JAKMIP2: variants seen among roughly 807,000 people sequenced by gnomAD.
JAKMIP2 encodes the protein janus kinase and microtubule interacting protein 2, also known as janus kinase and microtubule-interacting protein 2.
In JAKMIP2, 25 loss-of-function variants were observed where a neutral mutation model predicts 115.0. That is an observed-to-expected ratio of 0.22 (90% CI 0.16 to 0.30). JAKMIP2 has a LOEUF of 0.30. Among genes scored for constraint, JAKMIP2 ranks in the 10% least tolerant of loss-of-function variants. The pLI is 1.00. For synonymous variants in JAKMIP2, 334 were observed against 343.6 expected, an observed-to-expected ratio of 0.97 and a Z score of 0.31; for missense variants, 642 against 957.6, an observed-to-expected ratio of 0.67 and a Z score of 4.35.
intron 1 of JAKMIP2, among the ~76,000 whole-genome samples, chr5:147,708,646 A>G (rs1752668457): frequency 6.6e-6 from 1 of 152,168 alleles, no homozygotes; most frequent in African/African-American, 2.4e-5. Flanking sequence ...CCACATTTCA[A>G]TGTTCCTGAA....
At chr5:147,614,708 C>A (rs1372524677) in intron 19 of JAKMIP2, among the ~76,000 whole-genome samples, 2 of 152,206 alleles carry the variant, frequency 1.3e-5, no homozygotes, top group African/African-American at 2.4e-5. Flanking sequence ...GAGTTGTACT[C>A]AGAATAAAAC....
At chr5:147,593,676 C>A (rs1434160683) in intron 21 of JAKMIP2, among the ~76,000 whole-genome samples, 1 of 151,972 alleles carries the variant, frequency 6.6e-6, no homozygotes, top group East Asian at 1.9e-4. Context: ...GTTGGGGGAC[C>A]AACCTAATAT....
intron 18 of JAKMIP2, among the ~76,000 whole-genome samples, chr5:147,618,503 G>A (rs537541385): frequency 1.3e-4 from 20 of 152,152 alleles, no homozygotes; most frequent in South Asian, 6.2e-4. Flanking sequence ...TTGGGAGCCC[G>A]AGGCAGGCGG....
chr5:147,606,153 GT>G (rs140339776), intron 20 of JAKMIP2, among the ~76,000 whole-genome samples: 2,101 of 151,924 alleles, frequency 0.014, 54 homozygotes, highest in African/African-American at 0.049. Flanking sequence ...TCTGATGATA[GT>G]TTTTTTTGCT....
At chr5:147,611,816 G>A (rs946188483) in intron 20 of JAKMIP2, among the ~76,000 whole-genome samples, 2 of 152,146 alleles carry the variant, frequency 1.3e-5, no homozygotes, top group Admixed American at 6.5e-5. Context: ...CTTGGAAGAA[G>A]CAGCCACTCT....
chr5:147,713,663 G>T (rs570684372), intron 1 of JAKMIP2, among the ~76,000 whole-genome samples: 1 of 152,228 alleles, frequency 6.6e-6, no homozygotes, highest in East Asian at 1.9e-4. Flanking sequence ...GAGATCTGAG[G>T]GTAAATAGGA....
At chr5:147,669,465 T>G (rs1341728121) in intron 2 of JAKMIP2, among the ~76,000 whole-genome samples, 1 of 152,214 alleles carries the variant, frequency 6.6e-6, no homozygotes, top group Non-Finnish European at 1.5e-5. Context: ...GGCAGCCTGG[T>G]TCAAACTTGA....
chr5:147,708,635 AC>A (rs1752668111), intron 1 of JAKMIP2, among the ~76,000 whole-genome samples: 1 of 152,098 alleles, frequency 6.6e-6, no homozygotes, highest in African/African-American at 2.4e-5. Flanking sequence ...TGCTCCCCCT[AC>A]CACATTTCAA....
intron 21 of JAKMIP2, among the ~76,000 whole-genome samples, chr5:147,596,308 C>T (rs1207797313): frequency 6.6e-6 from 1 of 151,884 alleles, no homozygotes; most frequent in Non-Finnish European, 1.5e-5. Context: ...CTTTCTAAAA[C>T]TCACTCTAAC....
intron 1 of JAKMIP2, among the ~76,000 whole-genome samples, chr5:147,739,093 G>T (rs1198734194): frequency 1.3e-5 from 2 of 152,104 alleles, no homozygotes; most frequent in African/African-American, 2.4e-5. Flanking sequence ...CCAAGGGGAA[G>T]GGGCTCTGCT....
chr5:147,750,322 T>A (rs978487061), intron 1 of JAKMIP2, among the ~76,000 whole-genome samples: 1 of 152,126 alleles, frequency 6.6e-6, no homozygotes, highest in Admixed American at 6.5e-5. Flanking sequence ...AGGGACACAA[T>A]CCTCATATGA....
intron 10 of JAKMIP2, among the ~76,000 whole-genome samples, 163 bp from the exon 11 acceptor site, chr5:147,637,211 A>G (rs1456097830): frequency 1.3e-5 from 2 of 152,100 alleles, no homozygotes; most frequent in Non-Finnish European, 2.9e-5. Flanking sequence ...TCCCTGTAGC[A>G]TTCTTTATTT....
At chr5:147,697,184 G>C (rs1752139482) in intron 1 of JAKMIP2, among the ~76,000 whole-genome samples, 1 of 152,152 alleles carries the variant, frequency 6.6e-6, no homozygotes, top group Non-Finnish European at 1.5e-5. Context: ...CATGACTGAA[G>C]AGCCTTTAGA....
At chr5:147,743,094 T>A (rs551031180) in intron 1 of JAKMIP2, among the ~76,000 whole-genome samples, 1 of 152,350 alleles carries the variant, frequency 6.6e-6, no homozygotes, top group African/African-American at 2.4e-5. Context: ...TAAATGAGTT[T>A]GTTCCATGTT....
At chr5:147,654,220 A>G (rs1758553114) in intron 3 of JAKMIP2, among the ~76,000 whole-genome samples, 1 of 141,674 alleles carries the variant, frequency 7.1e-6, no homozygotes, top group South Asian at 2.2e-4. Context: ...TATGAAATTT[A>G]AAGTAGTTTT....
intron 18 of JAKMIP2, among the ~76,000 whole-genome samples, chr5:147,619,357 C>A (rs6881661): frequency 6.8e-6 from 1 of 146,644 alleles, no homozygotes; most frequent in South Asian, 2.1e-4. Context: ...ACTTCCTTCT[C>A]TGTCTCTAAT....
intron 7 of JAKMIP2, among the ~76,000 whole-genome samples, chr5:147,642,149 G>T (rs1357751550): frequency 1.3e-5 from 2 of 152,106 alleles, no homozygotes; most frequent in Non-Finnish European, 2.9e-5. Context: ...TCACAATAAA[G>T]TAAAACCGTA....
At chr5:147,703,893 T>C (rs559233671) in intron 1 of JAKMIP2, among the ~76,000 whole-genome samples, 1 of 152,310 alleles carries the variant, frequency 6.6e-6, no homozygotes, top group Non-Finnish European at 1.5e-5. Context: ...TTCTGTATAC[T>C]TTTTCTATTA....
At chr5:147,614,236 C>T (rs964864518) in intron 19 of JAKMIP2, among the ~76,000 whole-genome samples, 2 of 152,144 alleles carry the variant, frequency 1.3e-5, no homozygotes, top group African/African-American at 4.8e-5. Flanking sequence ...AAAGAACTAT[C>T]AGATCCAGAT....
Sources: allele counts gnomAD v4.1 joint callset (sites outside exome capture counted in the v4.1 genomes callset), GRCh38; gene constraint gnomAD v4.1.1; transcripts MANE v1.5; gene names NCBI Gene and HGNC (gene_info 2026-07-23, HGNC 2026-07-21).